Variants in RTF1 observed in about 807,000 individuals in gnomAD.
RTF1 encodes the protein RTF1 homolog, Paf1/RNA polymerase II complex component.
In RTF1, 10 loss-of-function variants were observed where a neutral mutation model predicts 95.7. That is an observed-to-expected ratio of 0.10 (90% confidence interval 0.06 to 0.18). RTF1 has a LOEUF of 0.18. RTF1 is among the 10% of genes least tolerant of loss of function. The pLI, the probability that RTF1 is intolerant of heterozygous loss-of-function variation, is 1.00. For missense variants in RTF1, 458 were observed against 875.6 expected (o/e 0.52, Z 6.02); for synonymous variants, 305 against 311.8 (o/e 0.98, Z 0.23).
chr15:41,439,841 A>G (rs1312240267), intron 2 of RTF1, among the ~76,000 whole-genome samples: 2 of 152,046 alleles, frequency 1.3e-5, no homozygotes, highest in Non-Finnish European at 2.9e-5. Context: ...TAGTGGAGAC[A>G]GGGTTTTGCC....
Position 41,475,798 on chromosome 15 carries a change from C to T in RTF1, c.1461C>T (p.Phe487=). Residue 487 remains phenylalanine, a synonymous_variant, in exon 11 of 18, where the codon TTC becomes TTT. Coordinates refer to ENST00000389629, the MANE Select transcript of RTF1 (RefSeq NM_015138.5). ...TTAAAGAAGCTCTTAATTATAAATT[C>T]AATGATCAGGACATTGAAGAGGTAA... is the stretch of plus-strand genomic sequence containing the variant. ...LSIKEALNYK[F]NDQDIEEIVK... 6.3e-7 allele frequency: 1 copy of T among 1,587,174 alleles called. No homozygotes were observed. Among genetic ancestry groups the T allele is most frequent in the Non-Finnish European group, 8.6e-7 (1 of 1,157,750 alleles).
At chr15:41,470,177 T>A in intron 6 of RTF1, 80 bp from the exon 7 acceptor site, 1 of 1,487,756 alleles carries the variant, frequency 6.7e-7, no homozygotes, top group South Asian at 1.2e-5. Flanking sequence ...TGAGTCCTCT[T>A]CCATTTCCAG....
intron 3 of RTF1, among the ~76,000 whole-genome samples, chr15:41,454,192 G>T (rs1474010196): frequency 6.6e-6 from 1 of 151,984 alleles, no homozygotes; most frequent in Non-Finnish European, 1.5e-5. Flanking sequence ...TGTGTCCCGG[G>T]GTTCAAGAGA....
Position 41,482,124 on chromosome 15 carries a change from G to A in RTF1, c.*1437G>A, listed in dbSNP as rs1204576259. ...ATGTTTCAAGCATGTGCAGTTTTGTGTGTGTGTATACATATATATGGTCAG... is the reference window on the plus strand; with the variant it reads ...ATGTTTCAAGCATGTGCAGTTTTGTATGTGTGTATACATATATATGGTCAG... On this transcript the variant is annotated 3_prime_UTR_variant, in exon 18 of 18. Coordinates refer to ENST00000389629, the MANE Select transcript of RTF1 (RefSeq NM_015138.5). 1 of 152,372 alleles carries A rather than the reference G, an allele frequency of 6.6e-6. No homozygotes were observed. The highest frequency in any genetic ancestry group is 2.4e-5 in the African/African-American group (1 of 41,456). The allele number at this position is 152,372 out of a possible 1,614,324, so 9.4% of individuals were successfully genotyped here. A position where few individuals can be genotyped will look rare whatever the true frequency, so the allele number is the denominator to read the frequency against.
At chr15:41,417,343 G>T in intron 1 of RTF1, 30 bp downstream of exon 1, 1 of 1,245,670 alleles carries the variant, frequency 8.0e-7, no homozygotes, top group Non-Finnish European at 1.0e-6. Context: ...GCGCGGGCCG[G>T]CGGAGCCAGA....
intron 3 of RTF1, among the ~76,000 whole-genome samples, chr15:41,454,029 C>T (rs1239541167): frequency 6.6e-6 from 1 of 152,094 alleles, no homozygotes; most frequent in African/African-American, 2.4e-5. Context: ...CTGTTAAGAT[C>T]TACTATTATG....
intron 3 of RTF1, 99 bp downstream of exon 3, chr15:41,453,147 G>A: frequency 3.2e-6 from 3 of 952,324 alleles, no homozygotes; most frequent in East Asian, 5.4e-5. Flanking sequence ...CTTGCATTCA[G>A]CATGACCTCT....
chr15:41,430,733 T>G (rs559022398), intron 1 of RTF1, among the ~76,000 whole-genome samples: 1 of 151,814 alleles, frequency 6.6e-6, no homozygotes, highest in Non-Finnish European at 1.5e-5. Flanking sequence ...AGACCAAGAT[T>G]TCATCTCCAA....
At chr15:41,474,753 G>A (rs745625797) in intron 9 of RTF1, 51 bp downstream of exon 9, 2 of 1,285,684 alleles carry the variant, frequency 1.6e-6, no homozygotes, top group Non-Finnish European at 2.3e-6. Flanking sequence ...ACAGGCACTG[G>A]CTTTGGGGGC....
Position 41,477,050 on chromosome 15 carries a change from C to T in RTF1, c.1561-115C>T, listed in dbSNP as rs2050945131. ...CTTCTACAGTATTCTTCCACATCTC[C>T]TGTCCTTTGCTCACCACATGAGATA... On this transcript the variant is annotated intron_variant, in intron 12 of 17. Transcript: ENST00000389629. 7.7e-6 allele frequency: 10 copies of T among 1,302,392 alleles called. 1 individual carries two copies. The highest frequency in any genetic ancestry group is 7.7e-6 in the Non-Finnish European group (7 of 907,940). 80.7% of individuals were successfully genotyped at this position (1,302,392 alleles called of 1,614,324 possible).
At position 41,457,738 on chromosome 15, in the gene RTF1, A is replaced by G; in HGVS notation, c.524A>G (p.Asp175Gly). Reference sequence around the variant, plus strand: ...TCAGATTCAGACTCTTCCTCAGAAGATGAAGAGTTCCATGATGGCTATGGA... The same window carrying G: ...TCAGATTCAGACTCTTCCTCAGAAGGTGAAGAGTTCCATGATGGCTATGGA... ...SSSDSDSSSE[D>G]EEFHDGYGED... Residue 175 changes from aspartate to glycine, a missense_variant, in exon 4 of 18, where the codon GAT becomes GGT. Physicochemically the swap from Asp to Gly is moderately conservative, Grantham distance 94 (BLOSUM62 -1). Transcript: ENST00000389629. The G allele has an allele frequency of 6.2e-7, 1 of 1,614,144 alleles. No homozygotes were observed. Among genetic ancestry groups the G allele is most frequent in the Non-Finnish European group, 8.5e-7 (1 of 1,180,042 alleles).
At chr15:41,427,327 A>AT in intron 1 of RTF1, among the ~76,000 whole-genome samples, 1 of 148,112 alleles carries the variant, frequency 6.8e-6, no homozygotes, top group East Asian at 2.0e-4. Context: ...AATTTTTTGT[A>AT]TTTTTAGTAG....
intron 2 of RTF1, among the ~76,000 whole-genome samples, chr15:41,451,190 C>T (rs377029717): frequency 1.3e-5 from 2 of 151,998 alleles, no homozygotes; most frequent in African/African-American, 4.8e-5. Flanking sequence ...GGAACAAAGA[C>T]TTTGTGCCTT....
At chr15:41,443,731 C>G (rs186442311) in intron 2 of RTF1, among the ~76,000 whole-genome samples, 3 of 151,978 alleles carry the variant, frequency 2.0e-5, no homozygotes, top group Non-Finnish European at 2.9e-5. Flanking sequence ...AAAACCCCAT[C>G]TCTACTAAAA....
intron 15 of RTF1, 115 bp from the exon 16 acceptor site, chr15:41,478,988 T>C (rs1230498142): frequency 1.5e-6 from 1 of 664,188 alleles, no homozygotes; most frequent in African/African-American, 1.9e-5. Flanking sequence ...CCCCACTAGC[T>C]GCTGATGGGT....
rs560682674 is a variant in RTF1 at position 41,468,361 on chromosome 15, A to G, written c.890-1896A>G. On this transcript the variant is annotated intron_variant, in intron 6 of 17. Coordinates refer to ENST00000389629, the MANE Select transcript of RTF1 (RefSeq NM_015138.5). The stretch of plus-strand genomic sequence containing the variant: ...GAGACGGAGTCTCGCTCTGTCGCCC[A>G]GGTTGGAGTGCAGTGGCGCGATCTC... 8.6e-5 allele frequency among the ~76,000 whole-genome samples: 13 copies of G among 151,538 alleles called. No individual in the cohort carries two copies. The East Asian group carries it at 2.4e-3, about 28-fold the overall frequency.
intron 3 of RTF1, among the ~76,000 whole-genome samples, chr15:41,453,729 C>G (rs567074329): frequency 7.7e-6 from 1 of 129,622 alleles, no homozygotes; most frequent in East Asian, 2.2e-4. Flanking sequence ...TCAACAACAA[C>G]AAAAAAAAGT....
At chr15:41,466,396 T>A in intron 6 of RTF1, 144 bp downstream of exon 6, 1 of 483,740 alleles carries the variant, frequency 2.1e-6, no homozygotes, top group Admixed American at 4.0e-5. Flanking sequence ...CACAAACCCA[T>A]CATCCAGCCA....
Position 41,470,318 on chromosome 15 carries a change from G to A in RTF1, c.951G>A (p.Glu317=), listed in dbSNP as rs201326574. The part of the protein sequence containing the change: ...KTSEVYSDDE[E]EEEDDKSSEK... ...GTGAGGTCTACTCTGATGATGAAGA[G>A]GAGGAAGAGGATGACAAATCCAGTG... Residue 317 remains glutamate, a synonymous_variant, in exon 7 of 18, where the codon GAG becomes GAA. Transcript: ENST00000389629. 8.7e-6 allele frequency: 14 copies of A among 1,614,096 alleles called. No homozygotes were observed. The highest frequency in any genetic ancestry group is 1.2e-5 in the Non-Finnish European group (14 of 1,179,976).
Sources: gnomAD v4.1 joint callset for allele counts (sites outside exome capture counted in the v4.1 genomes callset) on GRCh38, gnomAD v4.1.1 for gene constraint, MANE v1.5 for transcripts, NCBI Gene and HGNC (gene_info 2026-07-23, HGNC 2026-07-21) for gene names.